Variants in AKR1D1 observed in about 807,000 individuals in gnomAD.
AKR1D1 encodes delta(4)-3-ketosteroid 5-beta-reductase.
A neutral mutation model predicts 42.6 loss-of-function variants in AKR1D1; 32 were observed. The ratio of observed to expected loss-of-function variants is 0.75; its 90% CI spans 0.57 to 1.01. AKR1D1 has a LOEUF of 1.01. Among genes scored for constraint, AKR1D1 ranks in the 50% least tolerant of loss-of-function variants. AKR1D1 has a pLI of 0.00. For synonymous variants in AKR1D1, 123 were observed against 135.5 expected, an observed-to-expected ratio of 0.91 and a Z score of 0.64; for missense variants, 364 against 402.2, an observed-to-expected ratio of 0.91 and a Z score of 0.81.
intron 6 of AKR1D1, chr7:138,107,160 C>A: frequency 1.6e-6 from 1 of 636,624 alleles, no homozygotes; most frequent in South Asian, 1.5e-5. Flanking sequence ...CCAGCTCTCT[C>A]TATAAGACTC....
At chr7:138,083,290 G>T (rs1310651240) in intron 1 of AKR1D1, among the ~76,000 whole-genome samples, 1 of 152,112 alleles carries the variant, frequency 6.6e-6, no homozygotes, top group East Asian at 1.9e-4. Context: ...TTTCCCAGAT[G>T]AATAGTGATA....
chr7:138,111,288 C>T (rs1341545644), intron 7 of AKR1D1, among the ~76,000 whole-genome samples: 3 of 152,174 alleles, frequency 2.0e-5, no homozygotes, highest in African/African-American at 7.2e-5. Flanking sequence ...CAAGTATTAT[C>T]CACTTCTCTC....
chr7:138,102,285 A>G (rs1321144299), intron 4 of AKR1D1, among the ~76,000 whole-genome samples: 3 of 137,984 alleles, frequency 2.2e-5, no homozygotes, highest in Admixed American at 7.4e-5. Flanking sequence ...AAAAAGAGCA[A>G]TAGCCAAGCA....
At position 138,106,728 on chromosome 7, in the gene AKR1D1, C is replaced by T. The variant is rs768395455; in HGVS notation, c.689+11C>T. On this transcript the variant is annotated intron_variant, in intron 6 of 8. Coordinates refer to ENST00000242375, the MANE Select transcript of AKR1D1 (RefSeq NM_005989.4). ...TAGGAATCCAATCTGGTAAGTAAAA[C>T]TTTAGGAAGCATTTCCTTTGGTGTA... is the stretch of plus-strand genomic sequence containing the variant. 2.6e-6 allele frequency: 4 copies of T among 1,564,600 alleles called. No individual in the cohort carries two copies. In the East Asian group the frequency reaches 9.0e-5, roughly 35 times the overall value.
At chr7:138,080,374 G>C (rs7784424) in intron 1 of AKR1D1, among the ~76,000 whole-genome samples, 4 of 152,116 alleles carry the variant, frequency 2.6e-5, no homozygotes, top group Non-Finnish European at 2.9e-5. Context: ...CCAGCCCAAT[G>C]ATCCATGCTG....
At chr7:138,116,487 T>C (rs1481957782) in intron 8 of AKR1D1, 133 bp from the exon 9 acceptor site, 2 of 1,013,066 alleles carry the variant, frequency 2.0e-6, no homozygotes, top group African/African-American at 1.6e-5. Flanking sequence ...AAGAGGAAAG[T>C]AGGTAAGAAA....
intron 8 of AKR1D1, among the ~76,000 whole-genome samples, chr7:138,116,192 G>GA (rs1397857439): frequency 1.3e-5 from 2 of 151,968 alleles, no homozygotes; most frequent in Non-Finnish European, 2.9e-5. Context: ...AAAAAAAGAA[G>GA]AAAAAAATGC....
At chr7:138,095,612 G>C (rs1794168438) in intron 3 of AKR1D1, among the ~76,000 whole-genome samples, 1 of 152,068 alleles carries the variant, frequency 6.6e-6, no homozygotes, top group South Asian at 2.1e-4. Context: ...TGCAATCTCC[G>C]CCTCCCGGGT....
chr7:138,106,641 C>T lies in AKR1D1; in HGVS notation c.613C>T (p.Leu205Phe). 6.2e-7 allele frequency: 1 copy of T among 1,614,156 alleles called. No individual in the cohort carries two copies. The highest frequency in any genetic ancestry group is 1.7e-5 in the Admixed American group (1 of 60,022). ...ECHPYFTQPK[L>F]LKFCQQHDIV... is the part of the protein sequence containing the mutation. ...CCATCCGTATTTCACCCAGCCAAAA[C>T]TCTTGAAATTTTGCCAACAACATGA... Residue 205 changes from leucine (L) to phenylalanine (F), a missense_variant, in exon 6 of 9, where the codon CTC (leucine) becomes TTC (phenylalanine). Transcript: ENST00000242375.
chr7:138,116,916 C>T lies in AKR1D1; in HGVS notation c.*254C>T. 2.2e-6 allele frequency: 1 copy of T among 451,312 alleles called. No individual in the cohort carries two copies. Among genetic ancestry groups the T allele is most frequent in the Non-Finnish European group, 3.9e-6 (1 of 254,768 alleles). The allele number at this position is 451,312 out of a possible 1,614,324, so 28.0% of individuals were successfully genotyped here. ...TTTCAGATCAGTATCTTCTAGATTC[C>T]AGACAGAAAAAAATTACACTTCAGA... On this transcript the variant is annotated 3_prime_UTR_variant, in exon 9 of 9. Coordinates refer to ENST00000242375, the MANE Select transcript of AKR1D1 (RefSeq NM_005989.4).
intron 1 of AKR1D1, among the ~76,000 whole-genome samples, chr7:138,080,842 A>C (rs113460412): frequency 0.015 from 2,216 of 151,844 alleles, 66 homozygotes; most frequent in African/African-American, 0.051. Flanking sequence ...CTGGTCTTGA[A>C]CTCCTAGGCT....
chr7:138,106,657 A>C lies in AKR1D1; in HGVS notation c.629A>C (p.Gln210Pro), dbSNP rs1794439621. The C allele has an allele frequency of 4.3e-6, 7 of 1,614,048 alleles. No homozygotes were observed. The highest frequency in any genetic ancestry group is 5.9e-6 in the Non-Finnish European group (7 of 1,180,004). Reference protein sequence around the residue: ...FTQPKLLKFCQQHDIVITAYS... With the variant: ...FTQPKLLKFCPQHDIVITAYS... ...CAGCCAAAACTCTTGAAATTTTGCCAACAACATGACATTGTCATTACTGCA... is the reference window on the plus strand; with the variant it reads ...CAGCCAAAACTCTTGAAATTTTGCCCACAACATGACATTGTCATTACTGCA... Residue 210 changes from glutamine (Q) to proline (P), a missense_variant, in exon 6 of 9, where the codon CAA (glutamine) becomes CCA (proline). Gln to Pro is a moderately conservative substitution (Grantham distance 76). Coordinates refer to ENST00000242375, the MANE Select transcript of AKR1D1 (RefSeq NM_005989.4).
chr7:138,090,999 A>G (rs984564373), intron 2 of AKR1D1, among the ~76,000 whole-genome samples: 1 of 152,244 alleles, frequency 6.6e-6, no homozygotes, highest in East Asian at 1.9e-4. Context: ...AGCCACACGC[A>G]TAACCATATT....
At chr7:138,100,768 G>T (rs191282093) in intron 4 of AKR1D1, among the ~76,000 whole-genome samples, 1 of 140,890 alleles carries the variant, frequency 7.1e-6, no homozygotes, top group African/African-American at 2.7e-5. Context: ...GCAGTGGCGC[G>T]ATCTCAGCTC....
At chr7:138,085,682 G>T (rs1384344021) in intron 1 of AKR1D1, among the ~76,000 whole-genome samples, 1 of 152,032 alleles carries the variant, frequency 6.6e-6, no homozygotes, top group Admixed American at 6.6e-5. Flanking sequence ...CTGACCTCAG[G>T]TGATCTGCCC....
intron 4 of AKR1D1, 69 bp downstream of exon 4, chr7:138,098,012 A>G (rs1794218476): frequency 8.3e-7 from 1 of 1,208,342 alleles, no homozygotes; most frequent in African/African-American, 1.5e-5. Context: ...TATTCCTGTC[A>G]TATTTATGGA....
rs200703839 is a variant in AKR1D1, at chr7:138,106,186, TA to T, written c.580-415del. Reference sequence around the variant, plus strand: ...TGAGTGCAAATTGGTTCAGCCTTACTAAAAAAACAATTTGTCAATATGTATC... The same window carrying T: ...TGAGTGCAAATTGGTTCAGCCTTACTAAAAAACAATTTGTCAATATGTATC... On this transcript the variant is annotated intron_variant, in intron 5 of 8. Transcript: ENST00000242375. 5.0e-3 allele frequency among the ~76,000 whole-genome samples: 762 copies of T among 152,258 alleles called. 11 individuals are homozygous for T. The highest frequency in any genetic ancestry group is 0.017 in the African/African-American group (726 of 41,550).
At chr7:138,100,486 A>G (rs1187947476) in intron 4 of AKR1D1, among the ~76,000 whole-genome samples, 3 of 152,256 alleles carry the variant, frequency 2.0e-5, no homozygotes, top group East Asian at 1.9e-4. Flanking sequence ...TTAGGCTAAC[A>G]CTAGTAAAAA....
At chr7:138,112,751 A>G (rs1794559124) in intron 7 of AKR1D1, among the ~76,000 whole-genome samples, 1 of 151,172 alleles carries the variant, frequency 6.6e-6, no homozygotes, top group African/African-American at 2.4e-5. Flanking sequence ...ATTAAAAGTT[A>G]AAGGATAGAA....
Sources: gnomAD v4.1 joint callset for allele counts (sites outside exome capture counted in the v4.1 genomes callset) on GRCh38, gnomAD v4.1.1 for gene constraint, MANE v1.5 for transcripts, NCBI Gene and HGNC (gene_info 2026-07-23, HGNC 2026-07-21) for gene names.